TMEM232: variants seen among roughly 807,000 people sequenced by gnomAD.
The protein encoded by TMEM232 is transmembrane protein 232.
A neutral mutation model predicts 78.8 loss-of-function variants in TMEM232; 80 were observed. The ratio of observed to expected loss-of-function variants is 1.01; its 90% confidence interval spans 0.85 to 1.22. The LOEUF is 1.22. Ranked by LOEUF, TMEM232 falls within the 50% of genes most tolerant of loss-of-function variation. The probability of loss-of-function intolerance (pLI) is 0.00; values close to 1 mark genes in which losing one functional copy is unlikely to be tolerated. For missense variants in TMEM232, 881 were observed against 742.2 expected (o/e 1.19, Z -2.17); for synonymous variants, 297 against 254.3 (o/e 1.17, Z -1.60).
intron 1 of TMEM232, among the ~76,000 whole-genome samples, chr5:110,688,948 T>A (rs1300265188): frequency 2.0e-5 from 3 of 152,250 alleles, no homozygotes; most frequent in Middle Eastern, 3.4e-3. Flanking sequence ...CAAATGCATA[T>A]CTGGTTGTTC....
At chr5:110,709,797 T>C (rs1796288946) in intron 1 of TMEM232, among the ~76,000 whole-genome samples, 2 of 151,876 alleles carry the variant, frequency 1.3e-5, no homozygotes, top group Admixed American at 6.6e-5. Flanking sequence ...ACACTTCAAA[T>C]AAGTAACCTA....
At chr5:110,578,297 C>G (rs1166655559) in intron 10 of TMEM232, among the ~76,000 whole-genome samples, 1 of 151,704 alleles carries the variant, frequency 6.6e-6, no homozygotes, top group South Asian at 2.1e-4. Flanking sequence ...TTTCTGTATT[C>G]CAGGGGCAAC....
At chr5:110,399,450 G>C (rs950907658) in intron 2 of TMEM232, among the ~76,000 whole-genome samples, 1 of 152,036 alleles carries the variant, frequency 6.6e-6, no homozygotes. Context: ...TAATCCCTTT[G>C]GGAGACAATG....
intron 2 of TMEM232, among the ~76,000 whole-genome samples, chr5:110,660,352 C>G (rs1428551235): frequency 6.6e-6 from 1 of 151,874 alleles, no homozygotes; most frequent in Non-Finnish European, 1.5e-5. Context: ...AAACATTTTT[C>G]TAGAATAAGA....
At chr5:110,493,857 G>A (rs1254345725) in intron 12 of TMEM232, among the ~76,000 whole-genome samples, 4 of 151,476 alleles carry the variant, frequency 2.6e-5, no homozygotes, top group East Asian at 1.9e-4. Flanking sequence ...AGGTATACAC[G>A]TGCCATGGTG....
intron 1 of TMEM232, among the ~76,000 whole-genome samples, chr5:110,698,975 A>G (rs1206360831): frequency 6.6e-6 from 1 of 152,062 alleles, no homozygotes; most frequent in Non-Finnish European, 1.5e-5. Context: ...TTAGGTAACT[A>G]AGGATCTCTT....
chr5:110,605,145 G>T lies in TMEM232; in HGVS notation c.1240C>A (p.Leu414Ile). The T allele has an allele frequency of 6.5e-7, 1 of 1,547,568 alleles. No homozygotes were observed. Among genetic ancestry groups the T allele is most frequent in the Non-Finnish European group, 8.7e-7 (1 of 1,144,998 alleles). The part of the protein sequence containing the change: ...PELKETSILS[L>I]LEYFSSKMSE... ...ATTTTTGAAGAGAAATATTCCAAAA[G>T]ACTTAAAATACTTGTTTCCTTTAAT... The change falls in exon 10 of 14, where the codon CTT becomes ATT. Residue 414 changes from leucine to isoleucine, a missense_variant. Physicochemically the swap from Leu to Ile is conservative, Grantham distance 5. Transcript: ENST00000455884.
chr5:110,646,449 T>C (rs1034438723), intron 2 of TMEM232, among the ~76,000 whole-genome samples: 3 of 151,656 alleles, frequency 2.0e-5, no homozygotes, highest in African/African-American at 7.2e-5. Flanking sequence ...ATCTTTGACA[T>C]GGGTTGAAAG....
At chr5:110,405,206 G>C (rs1755741254) in intron 2 of TMEM232, among the ~76,000 whole-genome samples, 1 of 152,006 alleles carries the variant, frequency 6.6e-6, no homozygotes, top group Admixed American at 6.6e-5. Flanking sequence ...CTGATCACAG[G>C]TAAAGTCAAT....
chr5:110,406,173 G>C (rs1755781395), intron 2 of TMEM232, among the ~76,000 whole-genome samples: 1 of 151,558 alleles, frequency 6.6e-6, no homozygotes, highest in African/African-American at 2.4e-5. Flanking sequence ...ATACATATCT[G>C]AGGTAGCTAT....
intron 3 of TMEM232, among the ~76,000 whole-genome samples, chr5:110,396,160 G>A (rs113227361): frequency 0.054 from 8,258 of 152,134 alleles, 466 homozygotes; most frequent in East Asian, 0.23. Flanking sequence ...ATGGTGGCAG[G>A]AGAGAGAGAG....
At chr5:110,728,300 T>C (rs1009198948), upstream of TMEM232, among the ~76,000 whole-genome samples, 5 of 151,826 alleles carry the variant, frequency 3.3e-5, no homozygotes, top group African/African-American at 1.2e-4. Context: ...TTTATTTATA[T>C]ATATATCAGT....
At chr5:110,547,725 C>T (rs1276351786) in intron 11 of TMEM232, among the ~76,000 whole-genome samples, 3 of 152,048 alleles carry the variant, frequency 2.0e-5, no homozygotes, top group African/African-American at 4.8e-5. Flanking sequence ...CAGCCAGGCA[C>T]GATGGCTCAC....
chr5:110,687,528 C>T (rs528233506), intron 1 of TMEM232, among the ~76,000 whole-genome samples: 1 of 152,082 alleles, frequency 6.6e-6, no homozygotes, highest in African/African-American at 2.4e-5. Context: ...CCCTGTAATA[C>T]AACCTTATTG....
intron 13 of TMEM232, among the ~76,000 whole-genome samples, chr5:110,421,416 A>AAT (rs898036917): frequency 3.1e-4 from 46 of 150,100 alleles, no homozygotes; most frequent in South Asian, 6.3e-4. Context: ...CATCATGAAA[A>AAT]ATATATATAT....
At chr5:110,589,053 C>G (rs558218187) in intron 10 of TMEM232, among the ~76,000 whole-genome samples, 1 of 152,062 alleles carries the variant, frequency 6.6e-6, no homozygotes, top group South Asian at 2.1e-4. Context: ...AAAGTAGGAA[C>G]ATAGGAAGAC....
intron 12 of TMEM232, among the ~76,000 whole-genome samples, chr5:110,430,942 A>C (rs1310234239): frequency 6.6e-6 from 1 of 151,814 alleles, no homozygotes; most frequent in Non-Finnish European, 1.5e-5. Context: ...AATGAGCTGC[A>C]AAATATACTT....
At chr5:110,678,565 T>C (rs908045277) in intron 1 of TMEM232, among the ~76,000 whole-genome samples, 1 of 152,188 alleles carries the variant, frequency 6.6e-6, no homozygotes, top group African/African-American at 2.4e-5. Flanking sequence ...TAGGGTTCAC[T>C]CGGTGTTGCA....
chr5:110,516,730 GAAAAA>G (rs1768720850), intron 12 of TMEM232, among the ~76,000 whole-genome samples: 1 of 151,844 alleles, frequency 6.6e-6, no homozygotes, highest in Non-Finnish European at 1.5e-5. Flanking sequence ...ATTACATAAA[GAAAAA>G]AAGTCAAACC....
Sources: allele counts gnomAD v4.1 joint callset (sites outside exome capture counted in the v4.1 genomes callset), GRCh38; gene constraint gnomAD v4.1.1; transcripts MANE v1.5; gene names NCBI Gene and HGNC (gene_info 2026-07-23, HGNC 2026-07-21).